IBTK: variants seen among roughly 807,000 people sequenced by gnomAD.
IBTK encodes the protein inhibitor of Bruton tyrosine kinase.
In IBTK, 83 loss-of-function variants were observed where a neutral mutation model predicts 154.9. That is an observed-to-expected ratio of 0.54 (90% CI 0.45 to 0.64). The LOEUF is 0.64. IBTK is among the 30% of genes least tolerant of loss of function. The pLI, the probability that IBTK is intolerant of heterozygous loss-of-function variation, is 0.00. For synonymous variants in IBTK, 515 were observed against 536.1 expected (o/e 0.96, Z 0.54); for missense variants, 1,332 against 1,584.6 (o/e 0.84, Z 2.71).
At position 82,191,871 on chromosome 6, in the gene IBTK, C is replaced by T; in HGVS notation, c.3347G>A (p.Ser1116Asn). The T allele has an allele frequency of 6.2e-7, 1 of 1,603,924 alleles. No individual in the cohort carries two copies. Among genetic ancestry groups the T allele is most frequent in the Non-Finnish European group, 8.5e-7 (1 of 1,172,112 alleles). The change falls in exon 24 of 29, where the codon AGC becomes AAC. Residue 1116 changes from serine to asparagine, a missense_variant. By Grantham distance (46) the Ser-to-Asn change is conservative. Around this residue, in one of 3 missense-constraint regions of IBTK, gnomAD observed 1,134 missense variants for 1,274.7 expected, o/e 0.89. Transcript: ENST00000306270. ...AGTTCTGAGATCCACAACAGGAGGG[C>T]TGACAGGACTAAAAGACATAAAAGG... ...SWVAGSFSPV[S>N]PPVVDLRTIM...
At chr6:82,212,991 T>C (rs1769708419) in intron 12 of IBTK, among the ~76,000 whole-genome samples, 198 bp from the exon 13 acceptor site, 1 of 152,024 alleles carries the variant, frequency 6.6e-6, no homozygotes, top group African/African-American at 2.4e-5. Context: ...GATTAAACAT[T>C]ACTGACAAAA....
chr6:82,227,618 T>A (rs1304981228), intron 4 of IBTK, among the ~76,000 whole-genome samples: 2 of 152,074 alleles, frequency 1.3e-5, no homozygotes, highest in African/African-American at 4.8e-5. Context: ...TAGTAGCCAG[T>A]TGTTTTCCAG....
At position 82,201,443 on chromosome 6, in the gene IBTK, A is replaced by G. The variant is rs1393844360; in HGVS notation, c.2769T>C (p.Leu923=). The G allele has an allele frequency of 6.2e-7, 1 of 1,609,108 alleles. No individual in the cohort carries two copies. Among genetic ancestry groups the G allele is most frequent in the Non-Finnish European group, 8.5e-7 (1 of 1,177,578 alleles). The part of the protein sequence containing the change: ...DVLSDGVLKD[L]SEFYRKMIPA... ...TTACCATTTTCCGGTAAAACTCAGA[A>G]AGATCCTTCAAAACACCATCGCTTA... Residue 923 remains leucine, a synonymous_variant, in exon 19 of 29, where the codon CTT becomes CTC. Transcript: ENST00000306270.
At position 82,200,600 on chromosome 6, in the gene IBTK, C is replaced by A; in HGVS notation, c.2899G>T (p.Glu967Ter). The A allele has an allele frequency of 6.4e-7, 1 of 1,564,720 alleles. No homozygotes were observed. ...DIFLKEEINM[E>*]QNHSETMFKK... The stretch of plus-strand genomic sequence containing the variant: ...AAAACAGCTTACGAATGATTTTGTT[C>A]CATATTTATTTCTTCTTTCAAGAAG... Residue 967 changes from glutamate to a stop codon, truncating the protein, a stop_gained, in exon 20 of 29, where the codon GAA (glutamate) becomes TAA (stop). Transcript: ENST00000306270. LOFTEE classifies it high-confidence loss of function.
chr6:82,180,344 C>G (rs1768275240), intron 26 of IBTK, among the ~76,000 whole-genome samples: 1 of 151,962 alleles, frequency 6.6e-6, no homozygotes, highest in Non-Finnish European at 1.5e-5. Flanking sequence ...CTCCCAGGCT[C>G]AAGCAATCCT....
chr6:82,195,776 A>C (rs1398866252), intron 22 of IBTK, among the ~76,000 whole-genome samples: 2 of 152,142 alleles, frequency 1.3e-5, no homozygotes, highest in Non-Finnish European at 2.9e-5. Flanking sequence ...AATGTTAAGG[A>C]GTGTCTAAGA....
intron 27 of IBTK, 190 bp downstream of exon 27, chr6:82,173,177 T>C (rs1767992266): frequency 2.4e-6 from 1 of 410,994 alleles, no homozygotes; most frequent in Non-Finnish European, 4.3e-6. Context: ...AAGTTTTGTA[T>C]TTTTAGTAAA....
At chr6:82,173,018 TTG>T in intron 27 of IBTK, 3 of 99,338 alleles carry the variant, frequency 3.0e-5, no homozygotes, top group East Asian at 1.5e-4. Flanking sequence ...TTTTTTTTTT[TTG>T]AGACAGAGTC....
chr6:82,204,931 C>T lies in IBTK; in HGVS notation c.2537G>A (p.Ser846Asn). 2 of 1,600,272 alleles carry T rather than the reference C, an allele frequency of 1.2e-6. No individual in the cohort carries two copies. The highest frequency in any genetic ancestry group is 1.7e-6 in the Non-Finnish European group (2 of 1,173,086). Residue 846 changes from serine to asparagine, a missense_variant, in exon 17 of 29, where the codon AGT (serine) becomes AAT (asparagine). Physicochemically the swap from Ser to Asn is conservative, Grantham distance 46 (BLOSUM62 1). This residue lies in a region of IBTK where 1,134 missense variants were observed against 1,274.7 expected (regional missense o/e 0.89). Coordinates refer to ENST00000306270, the MANE Select transcript of IBTK (RefSeq NM_015525.4). Reference sequence around the variant, plus strand: ...AAGTTGATCAGCCACCACAAGAACACTACAAATAAAATCTACATTTTGAGA... The same window carrying T: ...AAGTTGATCAGCCACCACAAGAACATTACAAATAAAATCTACATTTTGAGA... ...KESQNVDFIC[S>N]VLVVADQLLI...
chr6:82,245,993 C>T (rs2132287), intron 1 of IBTK, among the ~76,000 whole-genome samples: 34,949 of 152,012 alleles, frequency 0.23, 4,031 homozygotes, highest in Admixed American at 0.25. Context: ...ACACAGTGCT[C>T]TACATAAATA....
intron 26 of IBTK, among the ~76,000 whole-genome samples, chr6:82,178,064 T>C (rs1276021370): frequency 1.3e-5 from 2 of 152,234 alleles, no homozygotes; most frequent in African/African-American, 4.8e-5. Flanking sequence ...TAAAAAAGCA[T>C]ACTTATTATG....
intron 2 of IBTK, among the ~76,000 whole-genome samples, chr6:82,238,106 C>T (rs562716900): frequency 1.8e-4 from 27 of 151,908 alleles, no homozygotes; most frequent in African/African-American, 5.5e-4. Context: ...AAGCCGGGCA[C>T]GGTGGCACAT....
chr6:82,214,442 A>G lies in IBTK; in HGVS notation c.1989T>C (p.Thr663=). The G allele has an allele frequency of 6.2e-7, 1 of 1,613,986 alleles. No individual in the cohort carries two copies. The highest frequency in any genetic ancestry group is 8.5e-7 in the Non-Finnish European group (1 of 1,179,882). ...LNKNPEEYQG[T]LNSHLNKVNF... Reference sequence around the variant, plus strand: ...TCACTTTATTCAAATGAGAATTCAGAGTTCCCTGATATTCTTCTGGGTTTT... The same window carrying G: ...TCACTTTATTCAAATGAGAATTCAGGGTTCCCTGATATTCTTCTGGGTTTT... The change falls in exon 12 of 29, where the codon ACT becomes ACC. Residue 663 remains threonine, a synonymous_variant. Transcript: ENST00000306270.
In IBTK at chr6:82,193,013, G is replaced by A. The variant is rs370371729; in HGVS notation, c.3339-1134C>T. 4.6e-4 allele frequency among the ~76,000 whole-genome samples: 69 copies of A among 151,022 alleles called. 1 individual carries two copies. In the East Asian group the frequency reaches 0.012, roughly 27 times the overall value. On this transcript the variant is annotated intron_variant, in intron 23 of 28. Coordinates refer to ENST00000306270, the MANE Select transcript of IBTK (RefSeq NM_015525.4). Reference sequence around the variant, plus strand: ...CTCGGGAGGTTGAGGCAGGAGAATCGTTTGAACCCAGGAGGCAGAGGTTGC... The same window carrying A: ...CTCGGGAGGTTGAGGCAGGAGAATCATTTGAACCCAGGAGGCAGAGGTTGC...
intron 2 of IBTK, among the ~76,000 whole-genome samples, chr6:82,236,580 C>A (rs1490298742): frequency 2.6e-5 from 4 of 152,202 alleles, no homozygotes; most frequent in Non-Finnish European, 5.9e-5. Flanking sequence ...TAATCTGTCT[C>A]TATTCCAGCT....
In IBTK at chr6:82,172,185, C is replaced by T. The variant is rs116856897; in HGVS notation, c.3930+195G>A. Among the ~76,000 whole-genome samples, 901 of 152,252 alleles carry T rather than the reference C, an allele frequency of 5.9e-3. 38 individuals are homozygous for T. Among genetic ancestry groups the T allele is most frequent in the Admixed American group, 0.051 (785 of 15,286 alleles). ...ATAAGCTTTATCATAATTTATTAGT[C>T]ATAAATTAATTGCCCTGAATATCTA... On this transcript the variant is annotated intron_variant, in intron 28 of 28. Transcript: ENST00000306270.
chr6:82,247,078 A>T (rs1771180159), intron 1 of IBTK, among the ~76,000 whole-genome samples: 1 of 152,204 alleles, frequency 6.6e-6, no homozygotes, highest in Non-Finnish European at 1.5e-5. Context: ...CCCTCCAAAA[A>T]GAATCAGTTC....
intron 16 of IBTK, among the ~76,000 whole-genome samples, chr6:82,207,312 AAATT>A (rs1769451255): frequency 6.6e-6 from 1 of 152,156 alleles, no homozygotes; most frequent in African/African-American, 2.4e-5. Context: ...TCCAAAAATA[AAATT>A]AAAAAAATTT....
intron 25 of IBTK, among the ~76,000 whole-genome samples, chr6:82,185,569 T>C (rs1048758172): frequency 1.5e-4 from 21 of 140,908 alleles, no homozygotes; most frequent in African/African-American, 5.6e-4. Flanking sequence ...TTAAAACCAA[T>C]GCATACGAGA....
Sources: gnomAD v4.1 joint callset for allele counts (sites outside exome capture counted in the v4.1 genomes callset) on GRCh38, gnomAD v4.1.1 for gene constraint, gnomAD v4.1.1 regional missense constraint, MANE v1.5 for transcripts, NCBI Gene and HGNC (gene_info 2026-07-23, HGNC 2026-07-21) for gene names.